The following SDK1 variants were observed in gnomAD, a reference collection of about 807,000 sequenced individuals.
The protein encoded by SDK1 is sidekick cell adhesion molecule 1.
Under a neutral mutation model 245.5 loss-of-function variants are expected in SDK1, and 157 were observed. That is an observed-to-expected ratio of 0.64 (90% CI 0.56 to 0.73). SDK1 has a LOEUF of 0.73. SDK1 is among the 30% of genes least tolerant of loss of function. SDK1 has a pLI of 0.00. For missense variants in SDK1, 3,583 were observed against 3,002.3 expected, an observed-to-expected ratio of 1.19 and a Z score of -4.52; for synonymous variants, 1,647 against 1,278.5, an observed-to-expected ratio of 1.29 and a Z score of -6.15.
intron 14 of SDK1, among the ~76,000 whole-genome samples, chr7:4,007,719 T>C (rs1051765027): frequency 1.3e-5 from 2 of 152,112 alleles, no homozygotes; most frequent in Non-Finnish European, 2.9e-5. Context: ...ATTCTCTGTC[T>C]CAGCCTCCTG....
At chr7:3,640,774 C>T (rs924764015) in intron 3 of SDK1, among the ~76,000 whole-genome samples, 2 of 152,004 alleles carry the variant, frequency 1.3e-5, no homozygotes, top group Non-Finnish European at 2.9e-5. Context: ...ACCTCCGCCT[C>T]CTAGGTTCAA....
intron 38 of SDK1, among the ~76,000 whole-genome samples, chr7:4,216,333 C>A (rs1004467739): frequency 1.3e-5 from 2 of 152,174 alleles, no homozygotes; most frequent in African/African-American, 4.8e-5. Context: ...ACCTCCACAC[C>A]CAGACTGGCC....
At chr7:3,598,506 A>G (rs943858526) in intron 1 of SDK1, among the ~76,000 whole-genome samples, 1 of 152,210 alleles carries the variant, frequency 6.6e-6, no homozygotes, top group African/African-American at 2.4e-5. Context: ...TTACAAAAGT[A>G]TAATACGGTA....
At position 3,641,964 on chromosome 7, in the gene SDK1, G is replaced by A. The variant is rs267601503; in HGVS notation, c.572G>A (p.Gly191Glu). The change falls in exon 4 of 45, where the codon GGA becomes GAA. Residue 191 changes from glycine to glutamate, a missense_variant. Physicochemically the swap from Gly to Glu is moderately conservative, Grantham distance 98 (BLOSUM62 -2). Transcript: ENST00000404826. The stretch of plus-strand genomic sequence containing the variant: ...CACTTCTTTTTCTCTGCAGATATGG[G>A]AAGTTTCATGGATACGGACCAGAGG... ...RKSEVQVAYMGSFMDTDQRKT... is the reference protein window; with the variant it reads ...RKSEVQVAYMESFMDTDQRKT... The A allele has an allele frequency of 1.9e-6, 3 of 1,612,196 alleles. No individual in the cohort carries two copies. Among genetic ancestry groups the A allele is most frequent in the Non-Finnish European group, 2.5e-6 (3 of 1,179,370 alleles).
At chr7:3,820,158 C>T (rs189646328) in intron 4 of SDK1, among the ~76,000 whole-genome samples, 1,844 of 151,958 alleles carry the variant, frequency 0.012, 19 homozygotes, top group Middle Eastern at 0.031. Flanking sequence ...TATTTTTTTT[C>T]TTTCTTTTTT....
chr7:4,046,278 C>G (rs1404343640), intron 17 of SDK1, among the ~76,000 whole-genome samples: 2 of 152,130 alleles, frequency 1.3e-5, no homozygotes, highest in Non-Finnish European at 1.5e-5. Context: ...GGGTATCTGT[C>G]TTGCACACGT....
intron 1 of SDK1, among the ~76,000 whole-genome samples, chr7:3,309,524 A>ATT (rs59762021): frequency 0.038 from 4,897 of 127,312 alleles, 169 homozygotes; most frequent in African/African-American, 0.07. Context: ...CTAGAAAAAG[A>ATT]TTTTTTTTTT....
chr7:4,259,749 G>C (rs1787860843), intron 44 of SDK1, among the ~76,000 whole-genome samples: 1 of 152,196 alleles, frequency 6.6e-6, no homozygotes. Context: ...TTGAGTTTCA[G>C]AGCGTTGTGG....
At chr7:3,568,032 G>A (rs2128628514) in intron 1 of SDK1, among the ~76,000 whole-genome samples, 1 of 152,144 alleles carries the variant, frequency 6.6e-6, no homozygotes, top group East Asian at 1.9e-4. Context: ...TGTTGTCCAG[G>A]CTGGTCTCAA....
At chr7:3,606,985 C>G (rs887826435) in intron 1 of SDK1, among the ~76,000 whole-genome samples, 4 of 152,082 alleles carry the variant, frequency 2.6e-5, no homozygotes, top group Non-Finnish European at 5.9e-5. Context: ...AGAAATAATA[C>G]TACTAGTAAC....
chr7:3,576,422 G>A (rs1187120270), intron 1 of SDK1, among the ~76,000 whole-genome samples: 2 of 152,048 alleles, frequency 1.3e-5, no homozygotes, highest in Non-Finnish European at 2.9e-5. Context: ...GACTTCCTCA[G>A]GGGAGTCGCA....
chr7:3,522,155 C>A (rs1170172772), intron 1 of SDK1, among the ~76,000 whole-genome samples: 3 of 149,718 alleles, frequency 2.0e-5, no homozygotes, highest in African/African-American at 7.3e-5. Context: ...TATACAATAA[C>A]TTTTTTTTTT....
At chr7:3,711,960 T>C (rs1303168320) in intron 4 of SDK1, among the ~76,000 whole-genome samples, 1 of 150,692 alleles carries the variant, frequency 6.6e-6, no homozygotes, top group Non-Finnish European at 1.5e-5. Flanking sequence ...TCCACATTAG[T>C]GAACAAGATT....
At chr7:4,033,703 A>T (rs1788006667) in intron 17 of SDK1, among the ~76,000 whole-genome samples, 1 of 152,212 alleles carries the variant, frequency 6.6e-6, no homozygotes, top group African/African-American at 2.4e-5. Flanking sequence ...CCACAGGAGA[A>T]TACGCTCAAC....
chr7:4,157,426 GAAGGCAAGAGAA>G (rs143323438), intron 30 of SDK1, among the ~76,000 whole-genome samples: 4,164 of 48,246 alleles, frequency 0.086, 223 homozygotes, highest in African/African-American at 0.37. Context: ...AGGAGGGAAG[GAAGGCAAGAGAA>G]AAGGAGGGAA....
chr7:3,403,866 T>TATATATATATAA (rs1562466232), intron 1 of SDK1, among the ~76,000 whole-genome samples: 3 of 115,726 alleles, frequency 2.6e-5, no homozygotes, highest in Non-Finnish European at 5.4e-5. Context: ...TATATATATA[T>TATATATATATAA]ATAATATATA....
chr7:4,063,126 TA>T (rs1321371659), intron 19 of SDK1, among the ~76,000 whole-genome samples: 1 of 152,090 alleles, frequency 6.6e-6, no homozygotes, highest in Non-Finnish European at 1.5e-5. Flanking sequence ...AAGAAAGGAA[TA>T]AAAGGCATCT....
intron 1 of SDK1, among the ~76,000 whole-genome samples, chr7:3,403,862 T>TAC (rs1778974042): frequency 8.5e-6 from 1 of 117,126 alleles, no homozygotes; most frequent in Non-Finnish European, 1.7e-5. Flanking sequence ...TATATATATA[T>TAC]ATATATAATA....
At chr7:3,618,383 A>G (rs925789832) in intron 1 of SDK1, among the ~76,000 whole-genome samples, 6 of 152,172 alleles carry the variant, frequency 3.9e-5, no homozygotes, top group East Asian at 1.9e-4. Flanking sequence ...GTGAACTTTT[A>G]TGAACTTTTG....
Sources: gnomAD v4.1 joint callset for allele counts (sites outside exome capture counted in the v4.1 genomes callset) on GRCh38, gnomAD v4.1.1 for gene constraint, MANE v1.5 for transcripts, NCBI Gene and HGNC (gene_info 2026-07-23, HGNC 2026-07-21) for gene names.